SLC46A3: variants seen among roughly 807,000 people sequenced by gnomAD.
SLC46A3 encodes the protein lysosomal proton-coupled steroid conjugate and bile acid symporter SLC46A3.
Under a neutral mutation model 38.5 loss-of-function variants are expected in SLC46A3, and 26 were observed. The ratio of observed to expected loss-of-function variants is 0.68; its 90% CI spans 0.49 to 0.94. The LOEUF is 0.94. SLC46A3 is among the 40% of genes least tolerant of loss of function. The pLI is 0.00. For synonymous variants in SLC46A3, 185 were observed against 192.5 expected (o/e 0.96, Z 0.32); for missense variants, 510 against 544.3 (o/e 0.94, Z 0.63).
At chr13:28,706,554 C>T (rs1196083873) in intron 4 of SLC46A3, among the ~76,000 whole-genome samples, 1 of 152,144 alleles carries the variant, frequency 6.6e-6, no homozygotes, top group African/African-American at 2.4e-5. Context: ...CTATATTTAA[C>T]AGTATGATAT....
chr13:28,704,334 A>C, intron 4 of SLC46A3: 1 of 459,440 alleles, frequency 2.2e-6, no homozygotes, highest in East Asian at 3.7e-5. Flanking sequence ...GATGTTGGAA[A>C]CTCCAAATAG....
intron 4 of SLC46A3, among the ~76,000 whole-genome samples, chr13:28,706,392 T>TA (rs1315636039): frequency 1.3e-5 from 2 of 152,248 alleles, no homozygotes; most frequent in Admixed American, 1.3e-4. Context: ...AGGATGCGAA[T>TA]ACATTTAGTT....
intron 4 of SLC46A3, 191 bp from the exon 5 acceptor site, chr13:28,704,290 T>G: frequency 1.7e-6 from 1 of 575,892 alleles, no homozygotes. Flanking sequence ...CTGAGGAAAC[T>G]AAGGGAAAGG....
intron 4 of SLC46A3, among the ~76,000 whole-genome samples, chr13:28,708,009 G>A (rs1885225484): frequency 6.6e-6 from 1 of 152,196 alleles, no homozygotes; most frequent in Non-Finnish European, 1.5e-5. Context: ...GCATGTAACA[G>A]AACGATATTT....
chr13:28,706,768 A>G (rs1472373272), intron 4 of SLC46A3, among the ~76,000 whole-genome samples: 1 of 152,212 alleles, frequency 6.6e-6, no homozygotes, highest in African/African-American at 2.4e-5. Context: ...TCAAAAGAAG[A>G]CATTTATGCA....
intron 2 of SLC46A3, among the ~76,000 whole-genome samples, chr13:28,715,690 G>A (rs995557004): frequency 1.3e-5 from 2 of 152,174 alleles, no homozygotes; most frequent in African/African-American, 2.4e-5. Context: ...GTTTCAAATA[G>A]CAAGAAGGAG....
At chr13:28,718,260 C>T (rs1566126437) in intron 1 of SLC46A3, among the ~76,000 whole-genome samples, 1 of 152,210 alleles carries the variant, frequency 6.6e-6, no homozygotes, top group African/African-American at 2.4e-5. Flanking sequence ...GGACTCAAGC[C>T]GCCTTTGAGT....
At chr13:28,716,456 G>C (rs184557366) in intron 2 of SLC46A3, among the ~76,000 whole-genome samples, 1 of 151,974 alleles carries the variant, frequency 6.6e-6, no homozygotes, top group East Asian at 1.9e-4. Flanking sequence ...GTCACCACAG[G>C]ATAATGTGTG....
rs374432817 is a variant in SLC46A3 at position 28,712,711 on chromosome 13, C to T, written c.1029G>A (p.Ala343=). 51 of 1,602,920 alleles carry T rather than the reference C, an allele frequency of 3.2e-5. No homozygotes were observed. In the African/African-American group the frequency reaches 3.5e-4, roughly 11 times the overall value. The change falls in exon 3 of 6, where the codon GCG becomes GCA. Residue 343 remains alanine, a synonymous_variant. Coordinates refer to ENST00000266943, the MANE Select transcript of SLC46A3 (RefSeq NM_181785.4). ...FTTMTGMAMT[A]FASTTLMMFL... is the part of the protein sequence containing the mutation. ...ACATCATCAGTGTTGTACTGGCAAACGCGGTCATAGCCATTCCTGTCATCG... is the reference window on the plus strand; with the variant it reads ...ACATCATCAGTGTTGTACTGGCAAATGCGGTCATAGCCATTCCTGTCATCG...
At chr13:28,715,834 A>T (rs1337289432) in intron 2 of SLC46A3, among the ~76,000 whole-genome samples, 1 of 152,134 alleles carries the variant, frequency 6.6e-6, no homozygotes, top group Non-Finnish European at 1.5e-5. Flanking sequence ...TACAATGATT[A>T]TCTGTCAATT....
chr13:28,717,547 A>C (rs1270525582), intron 2 of SLC46A3, among the ~76,000 whole-genome samples: 1 of 145,212 alleles, frequency 6.9e-6, no homozygotes, highest in Non-Finnish European at 1.5e-5. Context: ...AAGAGATGAC[A>C]CTGTGGTGAA....
chr13:28,701,874 C>T lies in SLC46A3; in HGVS notation c.1302-293G>A, dbSNP rs544856650. ...ATAACTAAAGCTATTACTGAAGTTC[C>T]TGTTCAATAGCTATAGCTGAAGCTC... On this transcript the variant is annotated intron_variant, in intron 5 of 5. Coordinates refer to ENST00000266943, the MANE Select transcript of SLC46A3 (RefSeq NM_181785.4). 3.3e-5 allele frequency among the ~76,000 whole-genome samples: 5 copies of T among 152,170 alleles called. No homozygotes were observed. The East Asian group carries it at 9.7e-4, about 29-fold the overall frequency.
chr13:28,717,222 C>A (rs557594546), intron 2 of SLC46A3, among the ~76,000 whole-genome samples: 11 of 152,240 alleles, frequency 7.2e-5, no homozygotes, highest in African/African-American at 2.2e-4. Context: ...TGTCCCCACA[C>A]AGCTGCTCCT....
At position 28,712,943 on chromosome 13, in the gene SLC46A3, G is replaced by A. The variant is rs760233916; in HGVS notation, c.797C>T (p.Thr266Ile). ...RRFLLCLLLF[T>I]VITYFFVVIG... ...TACCACAAAAAAATAAGTGATTACT[G>A]TAAAAAGTAACAAACAGAGCAAAAA... Residue 266 changes from threonine (T) to isoleucine (I), a missense_variant, in exon 3 of 6, where the codon ACA (threonine) becomes ATA (isoleucine). Thr to Ile is a moderately conservative substitution (Grantham distance 89, BLOSUM62 -1). Coordinates refer to ENST00000266943, the MANE Select transcript of SLC46A3 (RefSeq NM_181785.4). The A allele has an allele frequency of 1.2e-6, 2 of 1,611,844 alleles. No homozygotes were observed. Among genetic ancestry groups the A allele is most frequent in the Admixed American group, 1.7e-5 (1 of 59,558 alleles).
chr13:28,717,843 T>G lies in SLC46A3; in HGVS notation c.156A>C (p.Lys52Asn). Residue 52 changes from lysine to asparagine, a missense_variant, in exon 2 of 6, where the codon AAA becomes AAC. Coordinates refer to ENST00000266943, the MANE Select transcript of SLC46A3 (RefSeq NM_181785.4). ...SSDSNISECEKNKSSPIFAFQ... is the reference protein window; with the variant it reads ...SSDSNISECENNKSSPIFAFQ... ...ATGCAAAAATTGGGCTGCTTTTGTT[T>G]TTTTCACACTCAGAAATATTGCTAT... The G allele has an allele frequency of 6.2e-7, 1 of 1,613,348 alleles. No individual in the cohort carries two copies. The highest frequency in any genetic ancestry group is 8.5e-7 in the Non-Finnish European group (1 of 1,179,896).
chr13:28,706,592 C>T (rs1010157677), intron 4 of SLC46A3, among the ~76,000 whole-genome samples: 11 of 151,960 alleles, frequency 7.2e-5, no homozygotes, highest in Non-Finnish European at 1.3e-4. Flanking sequence ...GTTTATTTTT[C>T]GTAGAGATAG....
chr13:28,704,590 C>T (rs1885123753), intron 4 of SLC46A3: 1 of 152,406 alleles, frequency 6.6e-6, no homozygotes, highest in Non-Finnish European at 1.5e-5. Flanking sequence ...CTTATCTGTT[C>T]CTCAGTCTGG....
At chr13:28,702,841 C>T (rs906563528) in intron 5 of SLC46A3, among the ~76,000 whole-genome samples, 1 of 152,182 alleles carries the variant, frequency 6.6e-6, no homozygotes, top group African/African-American at 2.4e-5. Context: ...GCACTTTCCT[C>T]CCTAACTCAG....
intron 2 of SLC46A3, among the ~76,000 whole-genome samples, chr13:28,716,012 G>C (rs1351365151): frequency 1.3e-5 from 2 of 150,448 alleles, no homozygotes; most frequent in Non-Finnish European, 2.9e-5. Context: ...AATTAGCTGA[G>C]TGTAGTGGCA....
Sources: allele counts gnomAD v4.1 joint callset (sites outside exome capture counted in the v4.1 genomes callset), GRCh38; gene constraint gnomAD v4.1.1; transcripts MANE v1.5; gene names NCBI Gene and HGNC (gene_info 2026-07-23, HGNC 2026-07-21).